SPOCK1: variants seen among roughly 807,000 people sequenced by gnomAD.
SPOCK1 encodes the protein testican-1.
In SPOCK1, 23 loss-of-function variants were observed where a neutral mutation model predicts 55.3. The observed-to-expected ratio is 0.42, with a 90% CI of 0.30 to 0.59. The LOEUF is 0.59. Ranked by LOEUF, SPOCK1 falls within the 20% of genes least tolerant of loss-of-function variation. SPOCK1 has a pLI of 0.22. For missense variants in SPOCK1, 499 were observed against 552.5 expected, an observed-to-expected ratio of 0.90 and a Z score of 0.97; for synonymous variants, 226 against 221.0, an observed-to-expected ratio of 1.02 and a Z score of -0.20.
chr5:137,137,716 A>G (rs1456321851), intron 4 of SPOCK1, among the ~76,000 whole-genome samples: 2 of 152,230 alleles, frequency 1.3e-5, no homozygotes. Flanking sequence ...TCCTCACGCT[A>G]AACCTCAAAG....
intron 2 of SPOCK1, among the ~76,000 whole-genome samples, chr5:137,457,554 C>T (rs1753391454): frequency 6.6e-6 from 1 of 152,206 alleles, no homozygotes; most frequent in Non-Finnish European, 1.5e-5. Context: ...CAGGACAGTA[C>T]TTGTGCAAAG....
At chr5:137,380,298 G>T (rs895844979) in intron 2 of SPOCK1, among the ~76,000 whole-genome samples, 2 of 152,208 alleles carry the variant, frequency 1.3e-5, no homozygotes, top group African/African-American at 2.4e-5. Context: ...TAATGCAATT[G>T]CTTTATTGGT....
chr5:137,478,184 G>A (rs1205128948), intron 2 of SPOCK1, among the ~76,000 whole-genome samples: 1 of 152,150 alleles, frequency 6.6e-6, no homozygotes, highest in Non-Finnish European at 1.5e-5. Flanking sequence ...TGCATGGGAG[G>A]ATGGATAAAC....
rs186518519 is a variant in SPOCK1 at position 137,316,813 on chromosome 5, A to C, written c.187-49758T>G. Among the ~76,000 whole-genome samples, 175 of 152,296 alleles carry C rather than the reference A, an allele frequency of 1.1e-3. 1 individual carries two copies. Among genetic ancestry groups the C allele is most frequent in the Non-Finnish European group, 2.0e-3 (133 of 68,028 alleles). Reference sequence around the variant, plus strand: ...TCAATTAGCCTAACTCACAACATGTAATTTTTCTTATTTAACAGTTAGAAT... The same window carrying C: ...TCAATTAGCCTAACTCACAACATGTCATTTTTCTTATTTAACAGTTAGAAT... On this transcript the variant is annotated intron_variant, in intron 2 of 10. Transcript: ENST00000394945.
chr5:137,157,714 G>T (rs2127048459), intron 3 of SPOCK1, among the ~76,000 whole-genome samples: 1 of 152,262 alleles, frequency 6.6e-6, no homozygotes, highest in South Asian at 2.1e-4. Flanking sequence ...CAGAAACTAT[G>T]GATGAAAGGT....
chr5:137,454,091 T>C (rs1753315445), intron 2 of SPOCK1, among the ~76,000 whole-genome samples: 1 of 152,140 alleles, frequency 6.6e-6, no homozygotes, highest in African/African-American at 2.4e-5. Context: ...ATATATTGTA[T>C]TCAAGAATAG....
chr5:137,113,545 T>C (rs1277353519), intron 4 of SPOCK1, among the ~76,000 whole-genome samples: 3 of 152,198 alleles, frequency 2.0e-5, no homozygotes, highest in African/African-American at 7.2e-5. Flanking sequence ...TCACTCACAG[T>C]GCGACCTTGG....
intron 2 of SPOCK1, among the ~76,000 whole-genome samples, chr5:137,286,515 A>G (rs1047875944): frequency 1.3e-5 from 2 of 152,154 alleles, no homozygotes; most frequent in Non-Finnish European, 2.9e-5. Context: ...GTCTGCACTC[A>G]CCCAGAAGGG....
intron 2 of SPOCK1, among the ~76,000 whole-genome samples, chr5:137,464,564 G>C (rs916980072): frequency 6.7e-6 from 1 of 148,206 alleles, no homozygotes; most frequent in Non-Finnish European, 1.5e-5. Context: ...AGCAACTGAG[G>C]AGGTCAAATG....
chr5:137,094,732 T>G (rs575808960), intron 5 of SPOCK1, among the ~76,000 whole-genome samples: 1 of 152,328 alleles, frequency 6.6e-6, no homozygotes, highest in Admixed American at 6.5e-5. Context: ...CAATAAAGTT[T>G]GCTGAATTGA....
intron 3 of SPOCK1, among the ~76,000 whole-genome samples, chr5:137,170,610 T>TCC (rs1361520764): frequency 6.6e-6 from 1 of 151,398 alleles, no homozygotes; most frequent in Non-Finnish European, 1.5e-5. Context: ...TCTCTCTCTC[T>TCC]CTCTCTCTCT....
At chr5:137,255,256 C>T (rs955379001) in intron 3 of SPOCK1, among the ~76,000 whole-genome samples, 5 of 152,172 alleles carry the variant, frequency 3.3e-5, no homozygotes, top group Admixed American at 2.6e-4. Flanking sequence ...TCTCTGGCCT[C>T]ACTACTATGA....
chr5:137,446,023 C>T (rs749920021), intron 2 of SPOCK1, among the ~76,000 whole-genome samples: 11 of 152,012 alleles, frequency 7.2e-5, no homozygotes, highest in Non-Finnish European at 1.5e-4. Flanking sequence ...AATTCCTCCC[C>T]TATAAAAAAA....
intron 3 of SPOCK1, among the ~76,000 whole-genome samples, chr5:137,225,275 T>TTGAG (rs1755923906): frequency 1.3e-5 from 2 of 152,106 alleles, no homozygotes; most frequent in Non-Finnish European, 2.9e-5. Context: ...GTTAGTTAAC[T>TTGAG]GCTCTGAGCC....
At chr5:137,131,989 A>AAAAT (rs1391176339) in intron 4 of SPOCK1, among the ~76,000 whole-genome samples, 32 of 36,042 alleles carry the variant, frequency 8.9e-4, no homozygotes, top group African/African-American at 3.0e-3. Flanking sequence ...AAAAAAAAAA[A>AAAAT]ATATATATAT....
intron 2 of SPOCK1, among the ~76,000 whole-genome samples, chr5:137,354,027 C>T (rs923945270): frequency 6.6e-5 from 10 of 152,196 alleles, no homozygotes; most frequent in Admixed American, 1.3e-4. Context: ...TTTGCCCTTT[C>T]CTTTCCACTG....
chr5:137,216,403 G>C (rs1018881662), intron 3 of SPOCK1, among the ~76,000 whole-genome samples: 1 of 152,206 alleles, frequency 6.6e-6, no homozygotes, highest in Non-Finnish European at 1.5e-5. Context: ...ATATAGCAAT[G>C]TTTCTTTCAA....
intron 2 of SPOCK1, among the ~76,000 whole-genome samples, chr5:137,381,827 T>C (rs570556940): frequency 1.3e-5 from 2 of 152,224 alleles, no homozygotes; most frequent in Non-Finnish European, 2.9e-5. Flanking sequence ...TTCTGCATTG[T>C]CTTGGCTATT....
intron 3 of SPOCK1, among the ~76,000 whole-genome samples, chr5:137,210,414 G>A (rs909879241): frequency 1.3e-5 from 2 of 152,156 alleles, no homozygotes; most frequent in Non-Finnish European, 2.9e-5. Flanking sequence ...TTAGTCTTTG[G>A]AGAACTAAGA....
Sources: allele counts gnomAD v4.1 joint callset (sites outside exome capture counted in the v4.1 genomes callset), GRCh38; gene constraint gnomAD v4.1.1; transcripts MANE v1.5; gene names NCBI Gene and HGNC (gene_info 2026-07-23, HGNC 2026-07-21).